CSMD1: variants seen among roughly 807,000 people sequenced by gnomAD.
CSMD1 encodes CUB and Sushi multiple domains 1.
In CSMD1, 213 loss-of-function variants were observed where a neutral mutation model predicts 417.5. That is an observed-to-expected ratio of 0.51 (90% CI 0.46 to 0.57). CSMD1 has a LOEUF of 0.57. CSMD1 is among the 20% of genes least tolerant of loss of function. The pLI, the probability that CSMD1 is intolerant of heterozygous loss-of-function variation, is 0.00. For synonymous variants in CSMD1, 2,862 were observed against 1,736.8 expected (o/e 1.65, Z -16.11); for missense variants, 6,923 against 4,529.7 (o/e 1.53, Z -15.17).
rs764714438 is a variant in CSMD1, at chr8:3,616,670, A to C, written c.1097+40T>G. The C allele has an allele frequency of 9.1e-5, 120 of 1,315,578 alleles. No homozygotes were observed. The Middle Eastern group carries it at 1.7e-3, about 18-fold the overall frequency. 81.5% of individuals were successfully genotyped at this position (1,315,578 alleles called of 1,614,324 possible). ...GCAAGCTGAAATAATATATGTCTTA[A>C]AAATAACATGCTTTTTTCCACCACT... On this transcript the variant is annotated intron_variant, in intron 8 of 69. Coordinates refer to ENST00000635120, the MANE Select transcript of CSMD1 (RefSeq NM_033225.6).
chr8:4,011,165 T>C (rs1396391240), intron 4 of CSMD1, among the ~76,000 whole-genome samples: 2 of 152,190 alleles, frequency 1.3e-5, no homozygotes, highest in East Asian at 1.9e-4. Context: ...TTATAAAATA[T>C]CTTTCCTGCA....
intron 50 of CSMD1, among the ~76,000 whole-genome samples, chr8:3,042,749 AAC>A (rs1229208233): frequency 6.6e-6 from 1 of 152,156 alleles, no homozygotes; most frequent in Non-Finnish European, 1.5e-5. Context: ...AAATGATTAA[AAC>A]AGTGCCTGGT....
At chr8:4,157,651 T>A (rs1158593835) in intron 3 of CSMD1, among the ~76,000 whole-genome samples, 2 of 152,168 alleles carry the variant, frequency 1.3e-5, no homozygotes, top group Non-Finnish European at 2.9e-5. Flanking sequence ...AGACCTCTGT[T>A]ATCTGGGCAT....
chr8:3,296,031 C>T (rs1429085020), intron 25 of CSMD1, among the ~76,000 whole-genome samples: 1 of 151,940 alleles, frequency 6.6e-6, no homozygotes, highest in Non-Finnish European at 1.5e-5. Context: ...AGGGAAGAGA[C>T]AGGCAGTCCA....
chr8:4,651,697 A>C (rs1803906539), intron 1 of CSMD1, among the ~76,000 whole-genome samples: 1 of 152,176 alleles, frequency 6.6e-6, no homozygotes, highest in African/African-American at 2.4e-5. Context: ...TTCTGTCATT[A>C]TTATTTCAAC....
At chr8:2,963,521 T>C (rs1803686175) in intron 59 of CSMD1, 126 bp from the exon 60 acceptor site, 2 of 902,488 alleles carry the variant, frequency 2.2e-6, no homozygotes, top group Admixed American at 4.7e-5. Context: ...TAAAAAAAAA[T>C]AATAAAAGAA....
rs562006025 is a variant in CSMD1 at position 3,935,205 on chromosome 8, C to A, written c.818+62698G>T. Among the ~76,000 whole-genome samples the A allele has an allele frequency of 2.0e-5, 3 of 152,230 alleles. No individual in the cohort carries two copies. In the East Asian group the frequency reaches 5.8e-4, roughly 29 times the overall value. ...AAGAAAGTTCTTACTAATAACAAAG[C>A]TCCAACAGAACAAATGGAAATCGTT... On this transcript the variant is annotated intron_variant, in intron 5 of 69. Transcript: ENST00000635120.
intron 1 of CSMD1, among the ~76,000 whole-genome samples, chr8:4,692,271 G>A (rs960660852): frequency 2.0e-5 from 3 of 151,954 alleles, no homozygotes; most frequent in Non-Finnish European, 2.9e-5. Flanking sequence ...TAAGATGTAC[G>A]TTTTCTTAGT....
At chr8:4,098,570 T>C (rs1050988091) in intron 3 of CSMD1, among the ~76,000 whole-genome samples, 5 of 152,094 alleles carry the variant, frequency 3.3e-5, no homozygotes, top group African/African-American at 1.2e-4. Flanking sequence ...GGATTCGGCC[T>C]GAAAGATTGG....
At chr8:3,412,515 A>C (rs892452473) in intron 12 of CSMD1, among the ~76,000 whole-genome samples, 4 of 152,176 alleles carry the variant, frequency 2.6e-5, no homozygotes, top group Non-Finnish European at 5.9e-5. Context: ...AAAGAAGTGA[A>C]GTTTGATACA....
intron 3 of CSMD1, among the ~76,000 whole-genome samples, chr8:4,064,933 A>G (rs1799167975): frequency 6.6e-6 from 1 of 152,194 alleles, no homozygotes; most frequent in African/African-American, 2.4e-5. Context: ...TAGGCTTAAA[A>G]AAAAAAACCT....
intron 3 of CSMD1, among the ~76,000 whole-genome samples, chr8:4,199,815 G>C (rs903637339): frequency 3.9e-5 from 6 of 152,066 alleles, no homozygotes; most frequent in African/African-American, 1.2e-4. Flanking sequence ...ACTTTTGTAG[G>C]TTTCCACTAG....
chr8:4,677,962 C>A (rs1250860889), intron 1 of CSMD1, among the ~76,000 whole-genome samples: 1 of 152,040 alleles, frequency 6.6e-6, no homozygotes, highest in Non-Finnish European at 1.5e-5. Context: ...ATGAAATAGA[C>A]ATAAAGCCTG....
intron 3 of CSMD1, among the ~76,000 whole-genome samples, chr8:4,171,789 G>A (rs1383959276): frequency 6.6e-6 from 1 of 151,906 alleles, no homozygotes; most frequent in Non-Finnish European, 1.5e-5. Context: ...CAATTTACTT[G>A]AGTAACTTCA....
intron 2 of CSMD1, among the ~76,000 whole-genome samples, chr8:4,471,473 G>T (rs781436395): frequency 6.6e-6 from 1 of 152,106 alleles, no homozygotes; most frequent in Non-Finnish European, 1.5e-5. Context: ...TTCACAAGAT[G>T]CATGTGCCTA....
At chr8:4,446,238 G>C (rs1449915012) in intron 2 of CSMD1, among the ~76,000 whole-genome samples, 2 of 152,118 alleles carry the variant, frequency 1.3e-5, no homozygotes, top group African/African-American at 2.4e-5. Flanking sequence ...ATACCTTTGG[G>C]ACAGAAGATC....
At chr8:4,975,809 A>AT (rs35359085) in intron 1 of CSMD1, among the ~76,000 whole-genome samples, 35 of 151,812 alleles carry the variant, frequency 2.3e-4, no homozygotes, top group African/African-American at 3.1e-4. Context: ...TAGTGTATGC[A>AT]TTTTTTTTGC....
chr8:4,336,587 T>G (rs569791085), intron 3 of CSMD1, among the ~76,000 whole-genome samples: 3 of 152,310 alleles, frequency 2.0e-5, no homozygotes, highest in South Asian at 2.1e-4. Context: ...AAGCATGAAT[T>G]TATTTTACAC....
chr8:3,211,167 C>G (rs1409830958), intron 30 of CSMD1, among the ~76,000 whole-genome samples: 1 of 152,122 alleles, frequency 6.6e-6, no homozygotes, highest in East Asian at 1.9e-4. Context: ...ACTACAGCCT[C>G]CCGAGTAGCT....
Sources: gnomAD v4.1 joint callset for allele counts (sites outside exome capture counted in the v4.1 genomes callset) on GRCh38, gnomAD v4.1.1 for gene constraint, MANE v1.5 for transcripts, NCBI Gene and HGNC (gene_info 2026-07-23, HGNC 2026-07-21) for gene names.